Variants in TSPAN17 observed in about 807,000 individuals in gnomAD.
TSPAN17 encodes tetraspanin-17.
TSPAN17 carries 33 observed loss-of-function variants against 40.5 expected under a neutral mutation model. The ratio of observed to expected loss-of-function variants is 0.81; its 90% CI spans 0.62 to 1.09. TSPAN17 has a LOEUF of 1.09. TSPAN17 is among the 50% of genes least tolerant of loss of function. TSPAN17 has a pLI of 0.00. For missense variants in TSPAN17, 365 were observed against 416.8 expected, an observed-to-expected ratio of 0.88 and a Z score of 1.08; for synonymous variants, 166 against 169.4, an observed-to-expected ratio of 0.98 and a Z score of 0.15.
intron 6 of TSPAN17, 84 bp downstream of exon 6, chr5:176,656,209 G>A: frequency 3.5e-6 from 5 of 1,440,038 alleles, no homozygotes; most frequent in Non-Finnish European, 4.8e-6. Context: ...CCTCTGGAAG[G>A]CCTCAGGGAT....
At chr5:176,649,513 C>G (rs565937972) in intron 1 of TSPAN17, among the ~76,000 whole-genome samples, 1 of 151,842 alleles carries the variant, frequency 6.6e-6, no homozygotes, top group Non-Finnish European at 1.5e-5. Flanking sequence ...CTGCAACCTC[C>G]GTCTCCCAGG....
chr5:176,656,808 C>A lies in TSPAN17; in HGVS notation c.739C>A (p.Leu247Ile). 1.2e-6 allele frequency: 2 copies of A among 1,614,236 alleles called. No homozygotes were observed. Among genetic ancestry groups the A allele is most frequent in the Non-Finnish European group, 1.7e-6 (2 of 1,180,018 alleles). Residue 247 changes from leucine to isoleucine, a missense_variant, in exon 7 of 9, where the codon CTC becomes ATC. By Grantham distance (5) the Leu-to-Ile change is conservative. Transcript: ENST00000508164. The stretch of plus-strand genomic sequence containing the variant: ...GGCGGGAGTCTTCATGGGCATCGCC[C>A]TCCTCCAGGTACCCTTGTGGCCCCA... ...VVAGVFMGIA[L>I]LQIFGICLAQ... is the part of the protein sequence containing the mutation.
At position 176,654,187 on chromosome 5, in the gene TSPAN17, T is replaced by G. The variant is rs1335914650; in HGVS notation, c.457-708T>G. On this transcript the variant is annotated intron_variant, in intron 4 of 8. Coordinates refer to ENST00000508164, the MANE Select transcript of TSPAN17 (RefSeq NM_130465.5). The surrounding 1 kb of genome is among the most constrained non-coding windows in gnomAD (Gnocchi z 4.3). Reference sequence around the variant, plus strand: ...CAGGGCATGTGGCAGGCCTGACTCCTCCAGCTCTCTGGCTCGGCCACGGGG... The same window carrying G: ...CAGGGCATGTGGCAGGCCTGACTCCGCCAGCTCTCTGGCTCGGCCACGGGG... 1.3e-5 allele frequency: 2 copies of G among 152,566 alleles called. No homozygotes were observed. Among genetic ancestry groups the G allele is most frequent in the Non-Finnish European group, 2.9e-5 (2 of 68,112 alleles). 9.5% of individuals were successfully genotyped at this position (152,566 alleles called of 1,614,324 possible).
Position 176,653,090 on chromosome 5 carries a change from G to A in TSPAN17, c.456+177G>A, listed in dbSNP as rs1372020355. On this transcript the variant is annotated intron_variant, in intron 4 of 8. Coordinates refer to ENST00000508164, the MANE Select transcript of TSPAN17 (RefSeq NM_130465.5). ...AGCCAGCCCCTGCTGATCCTTATGGGTCCCCATTTGCCTAGTGCCATAGGG... is the reference window on the plus strand; with the variant it reads ...AGCCAGCCCCTGCTGATCCTTATGGATCCCCATTTGCCTAGTGCCATAGGG... 3.0e-5 allele frequency: 19 copies of A among 634,506 alleles called. No homozygotes were observed. In the African/African-American group the frequency reaches 3.1e-4, roughly 10 times the overall value. 39.3% of individuals were successfully genotyped at this position (634,506 alleles called of 1,614,324 possible).
At chr5:176,647,816 C>G (rs985692602) in intron 1 of TSPAN17, 114 bp downstream of exon 1, 9 of 1,011,700 alleles carry the variant, frequency 8.9e-6, no homozygotes, top group Admixed American at 7.8e-5. Context: ...TCGGGACCAT[C>G]CCCCCACTTC....
intron 1 of TSPAN17, among the ~76,000 whole-genome samples, chr5:176,648,112 A>G (rs1181772079): frequency 1.3e-5 from 2 of 151,980 alleles, no homozygotes; most frequent in African/African-American, 4.8e-5. Flanking sequence ...GCGTGAAGGG[A>G]GCCGCCAGGC....
At chr5:176,652,052 C>A in intron 3 of TSPAN17, 152 bp downstream of exon 3, 1 of 1,155,246 alleles carries the variant, frequency 8.7e-7, no homozygotes, top group South Asian at 1.6e-5. Flanking sequence ...GGATCCTTTC[C>A]GTGGTATGGT....
chr5:176,657,291 G>A (rs111910347), intron 8 of TSPAN17: 5 of 744,776 alleles, frequency 6.7e-6, no homozygotes, highest in African/African-American at 3.6e-5. Context: ...AGTGGGGTGG[G>A]AGGTGCTGTG....
intron 5 of TSPAN17, among the ~76,000 whole-genome samples, chr5:176,655,478 G>A (rs1029438820): frequency 1.3e-5 from 2 of 152,078 alleles, no homozygotes; most frequent in Admixed American, 6.5e-5. Flanking sequence ...CTTTCTTCAG[G>A]GCAGAAACCT....
chr5:176,649,859 A>G (rs933857798), intron 1 of TSPAN17, among the ~76,000 whole-genome samples: 12 of 152,116 alleles, frequency 7.9e-5, no homozygotes, highest in Non-Finnish European at 1.8e-4. Context: ...CCTGTGCCCT[A>G]CCCTCCTCCT....
chr5:176,656,016 G>C (rs1039626766), intron 5 of TSPAN17, 62 bp from the exon 6 acceptor site: 23 of 1,521,358 alleles, frequency 1.5e-5, no homozygotes, highest in Non-Finnish European at 2.1e-5. Flanking sequence ...GCACTGCCCA[G>C]GTACCATGGA....
At chr5:176,648,917 A>G (rs1013460566) in intron 1 of TSPAN17, among the ~76,000 whole-genome samples, 1 of 152,250 alleles carries the variant, frequency 6.6e-6, no homozygotes, top group African/African-American at 2.4e-5. Flanking sequence ...TCACACAGCC[A>G]GAAAGTACAG....
Position 176,647,531 on chromosome 5 carries a change from C to CGGGCGGCTCTAGCCCA in TSPAN17, c.-77_-62dup. 1.8e-6 allele frequency: 2 copies of CGGGCGGCTCTAGCCCA among 1,119,152 alleles called. No homozygotes were observed. The highest frequency in any genetic ancestry group is 2.4e-6 in the Non-Finnish European group (2 of 846,860). The allele number at this position is 1,119,152 out of a possible 1,614,324, so 69.3% of individuals were successfully genotyped here. On this transcript the variant is annotated 5_prime_UTR_variant, in exon 1 of 9. Transcript: ENST00000508164. ...AAGCCGCAGCCGCCCGGCTAGGCCC[C>CGGGCGGCTCTAGCCCA]GGGCGGCTCTAGCCCAGGGCGGCCC...
chr5:176,657,755 G>T lies in TSPAN17; in HGVS notation c.*57G>T, dbSNP rs142649577. ...TCTTGAAGAATGACCACCTGGCTAC[G>T]CCGGCTCTTCGGTGGCAACACTACC... On this transcript the variant is annotated 3_prime_UTR_variant, in exon 9 of 9. Coordinates refer to ENST00000508164, the MANE Select transcript of TSPAN17 (RefSeq NM_130465.5). 7 of 1,522,364 alleles carry T rather than the reference G, an allele frequency of 4.6e-6. No individual in the cohort carries two copies. In the Admixed American group the frequency reaches 1.3e-4, roughly 29 times the overall value. The allele number at this position is 1,522,364 out of a possible 1,614,324, so 94.3% of individuals were successfully genotyped here. A position where few individuals can be genotyped will look rare whatever the true frequency, so the allele number is the denominator to read the frequency against.
intron 8 of TSPAN17, 137 bp downstream of exon 8, chr5:176,657,093 G>A (rs745725587): frequency 3.0e-5 from 28 of 920,996 alleles, no homozygotes; most frequent in Admixed American, 1.1e-4. Flanking sequence ...TGAGGGGTTC[G>A]CCTGAACCGC....
Position 176,647,611 on chromosome 5 carries a change from T to C in TSPAN17, c.-5T>C. ...GGTTTCCGGGCCGGCGGGTGGCCGC[T>C]CACCATGCCCGGCAAGCACCAGCAT... On this transcript the variant is annotated 5_prime_UTR_variant, in exon 1 of 9. Transcript: ENST00000508164. The C allele has an allele frequency of 6.4e-7, 1 of 1,560,258 alleles. No individual in the cohort carries two copies. The highest frequency in any genetic ancestry group is 8.6e-7 in the Non-Finnish European group (1 of 1,156,120).
Position 176,651,505 on chromosome 5 carries a change from C to A in TSPAN17, c.88-111C>A. ...AGGACCCCGGATCCCGTTCACAGCC[C>A]TTGTGCCTCTTCCTCTCTCCGCTGG... On this transcript the variant is annotated intron_variant, in intron 1 of 8. Coordinates refer to ENST00000508164, the MANE Select transcript of TSPAN17 (RefSeq NM_130465.5). This position sits in a 1 kb window ranked among gnomAD's most constrained non-coding sequence, Gnocchi z 4.5. The A allele has an allele frequency of 8.3e-7, 1 of 1,203,176 alleles. No individual in the cohort carries two copies. The highest frequency in any genetic ancestry group is 1.1e-6 in the Non-Finnish European group (1 of 872,762). 74.5% of individuals were successfully genotyped at this position (1,203,176 alleles called of 1,614,324 possible).
rs781522890 is a variant in TSPAN17 at position 176,647,710 on chromosome 5, C to T, written c.87+8C>T. ...TTCAACATTGTCTTCTGGGTGAGCG[C>T]GGGGTCTGCGCCTTGCCCTGTGCTG... is the stretch of plus-strand genomic sequence containing the variant. On this transcript the variant is annotated splice_region_variant and intron_variant, in intron 1 of 8. Coordinates refer to ENST00000508164, the MANE Select transcript of TSPAN17 (RefSeq NM_130465.5). 1.2e-5 allele frequency: 19 copies of T among 1,581,558 alleles called. No individual in the cohort carries two copies. Among genetic ancestry groups the T allele is most frequent in the Admixed American group, 3.6e-5 (2 of 55,668 alleles).
chr5:176,653,374 G>A (rs1761040964), intron 4 of TSPAN17: 1 of 157,736 alleles, frequency 6.3e-6, no homozygotes, highest in Non-Finnish European at 1.4e-5. Context: ...TACTATGTTT[G>A]GCCTCTGTGT....
Sources: gnomAD v4.1 joint callset for allele counts (sites outside exome capture counted in the v4.1 genomes callset) on GRCh38, gnomAD v4.1.1 for gene constraint, Gnocchi (gnomAD v3.1) non-coding constraint, MANE v1.5 for transcripts, NCBI Gene and HGNC (gene_info 2026-07-23, HGNC 2026-07-21) for gene names.